PLCB4: variants seen among roughly 807,000 people sequenced by gnomAD.
The protein encoded by PLCB4 is 1-phosphatidylinositol 4,5-bisphosphate phosphodiesterase beta-4.
A neutral mutation model predicts 178.8 loss-of-function variants in PLCB4; 77 were observed. The observed-to-expected ratio is 0.43, with a 90% confidence interval of 0.36 to 0.52. The LOEUF (loss-of-function observed/expected upper bound fraction) is 0.52, where lower values mean the gene tolerates loss of function less well. Among genes scored for constraint, PLCB4 ranks in the 20% least tolerant of loss-of-function variants. PLCB4 has a pLI of 0.00. For missense variants in PLCB4, 1,024 were observed against 1,453.4 expected (o/e 0.70, Z 4.80); for synonymous variants, 496 against 490.8 (o/e 1.01, Z -0.14).
chr20:9,385,459 C>T (rs899616024), intron 14 of PLCB4, among the ~76,000 whole-genome samples: 1 of 150,440 alleles, frequency 6.6e-6, no homozygotes, highest in Non-Finnish European at 1.5e-5. Flanking sequence ...TCCTCACCTC[C>T]CAGATGGGGT....
At chr20:9,321,180 G>A (rs1243504259) in intron 4 of PLCB4, among the ~76,000 whole-genome samples, 1 of 152,174 alleles carries the variant, frequency 6.6e-6, no homozygotes, top group Non-Finnish European at 1.5e-5. Context: ...CCCTCAGGTG[G>A]TGGTGAGGGC....
At position 9,126,234 on chromosome 20, in the gene PLCB4, T is replaced by C. The variant is rs189531022; in HGVS notation, c.-79+29892T>C. ...GTCTAATATTGTAAACATTGTTTAC[T>C]TTTAAAAATTGCTATTTTAAGTATT... is the stretch of plus-strand genomic sequence containing the variant. On this transcript the variant is annotated intron_variant, in intron 2 of 39. Transcript: ENST00000378473. Among the ~76,000 whole-genome samples, 541 of 152,338 alleles carry C rather than the reference T, an allele frequency of 3.6e-3. 7 individuals are homozygous for C. The highest frequency in any genetic ancestry group is 0.012 in the African/African-American group (509 of 41,586).
chr20:9,118,101 AG>A (rs1376057804), intron 2 of PLCB4, among the ~76,000 whole-genome samples: 2 of 152,100 alleles, frequency 1.3e-5, no homozygotes, highest in Admixed American at 6.6e-5. Context: ...TAAAAGAAAA[AG>A]GTTACATGTG....
intron 4 of PLCB4, among the ~76,000 whole-genome samples, chr20:9,331,071 G>A (rs916170881): frequency 6.6e-6 from 1 of 152,154 alleles, no homozygotes; most frequent in African/African-American, 2.4e-5. Context: ...CAGAATAACT[G>A]CAAGATTCTC....
intron 25 of PLCB4, among the ~76,000 whole-genome samples, chr20:9,419,520 T>C (rs536253008): frequency 6.6e-6 from 1 of 152,340 alleles, no homozygotes; most frequent in South Asian, 2.1e-4. Context: ...TGTTATTCTT[T>C]GCATTTTATT....
intron 33 of PLCB4, among the ~76,000 whole-genome samples, chr20:9,456,254 T>A (rs2043050730): frequency 6.6e-6 from 1 of 152,192 alleles, no homozygotes; most frequent in Non-Finnish European, 1.5e-5. Flanking sequence ...GGTTTCCCCT[T>A]ACTCTTACCT....
At chr20:9,071,624 T>A (rs562708689) in intron 1 of PLCB4, among the ~76,000 whole-genome samples, 4 of 152,156 alleles carry the variant, frequency 2.6e-5, no homozygotes, top group East Asian at 1.9e-4. Flanking sequence ...AATGAAAAAA[T>A]TTTGCAGATT....
intron 3 of PLCB4, among the ~76,000 whole-genome samples, chr20:9,229,944 C>CT (rs543860122): frequency 6.6e-6 from 1 of 151,544 alleles, no homozygotes; most frequent in African/African-American, 2.4e-5. Context: ...ATGTATTACA[C>CT]TTTTTTTTTC....
chr20:9,306,362 C>G (rs557211602), intron 3 of PLCB4, among the ~76,000 whole-genome samples: 3 of 151,816 alleles, frequency 2.0e-5, no homozygotes, highest in Non-Finnish European at 2.9e-5. Context: ...CCCCTCCCCC[C>G]ACCCCGGCCT....
intron 1 of PLCB4, among the ~76,000 whole-genome samples, chr20:9,083,820 AAG>A (rs1411438449): frequency 1.3e-5 from 2 of 152,190 alleles, no homozygotes; most frequent in Non-Finnish European, 2.9e-5. Context: ...CGTCAAGCCA[AAG>A]AGAGAGGTCT....
At position 9,468,708 on chromosome 20, in the gene PLCB4, T is replaced by C. The variant is rs781026227; in HGVS notation, c.3350+36T>C. 17 of 1,190,826 alleles carry C rather than the reference T, an allele frequency of 1.4e-5. 1 individual carries two copies. In the South Asian group the frequency reaches 2.1e-4, roughly 15 times the overall value. 73.8% of individuals were successfully genotyped at this position (1,190,826 alleles called of 1,614,324 possible). The stretch of plus-strand genomic sequence containing the variant: ...GAGTGTTCACTGCAGGAATATGGCA[T>C]TGACTTGAGGACACAGTCTCAACTT... On this transcript the variant is annotated intron_variant, in intron 36 of 39. Coordinates refer to ENST00000378473, the MANE Select transcript of PLCB4 (RefSeq NM_001377142.1).
At chr20:9,076,464 C>T (rs1200933261) in intron 1 of PLCB4, among the ~76,000 whole-genome samples, 1 of 152,002 alleles carries the variant, frequency 6.6e-6, no homozygotes. Flanking sequence ...GAGACTCTGT[C>T]TCAAAAAATA....
chr20:9,293,374 G>T (rs376410145), intron 3 of PLCB4, among the ~76,000 whole-genome samples: 16 of 135,718 alleles, frequency 1.2e-4, no homozygotes, highest in African/African-American at 3.9e-4. Context: ...AAGGAAGGAA[G>T]GAAAGGGAAG....
chr20:9,431,031 A>G (rs1419357598), intron 28 of PLCB4, among the ~76,000 whole-genome samples: 1 of 152,208 alleles, frequency 6.6e-6, no homozygotes, highest in African/African-American at 2.4e-5. Flanking sequence ...GAACTACTGT[A>G]ACAAATAACC....
rs527617885 is a variant in PLCB4 at position 9,352,206 on chromosome 20, G to C, written c.370-10690G>C. Among the ~76,000 whole-genome samples, 4 of 152,258 alleles carry C rather than the reference G, an allele frequency of 2.6e-5. No individual in the cohort carries two copies. The South Asian group carries it at 8.3e-4, about 32-fold the overall frequency. On this transcript the variant is annotated intron_variant, in intron 7 of 39. Coordinates refer to ENST00000378473, the MANE Select transcript of PLCB4 (RefSeq NM_001377142.1). ...GATGTAGGAATGTAGTTGGTCTGTG[G>C]ACTTTCAGGCACTAAAGAACATCAT... is the stretch of plus-strand genomic sequence containing the variant.
At chr20:9,407,804 T>G in intron 21 of PLCB4, 113 bp from the exon 22 acceptor site, 2 of 876,062 alleles carry the variant, frequency 2.3e-6, no homozygotes, top group Non-Finnish European at 3.4e-6. Flanking sequence ...AGAAAAAGCC[T>G]TTACCTTTCA....
chr20:9,344,443 T>C (rs1466992503), intron 7 of PLCB4, among the ~76,000 whole-genome samples: 1 of 152,214 alleles, frequency 6.6e-6, no homozygotes, highest in Admixed American at 6.5e-5. Flanking sequence ...CACTGTTCTG[T>C]TCACTGCTGT....
chr20:9,440,455 A>G (rs2042039054), intron 30 of PLCB4, among the ~76,000 whole-genome samples: 1 of 152,208 alleles, frequency 6.6e-6, no homozygotes, highest in Non-Finnish European at 1.5e-5. Flanking sequence ...CAAAATTCAC[A>G]ATTCAACATA....
intron 2 of PLCB4, among the ~76,000 whole-genome samples, chr20:9,119,828 A>G (rs922534609): frequency 6.6e-6 from 1 of 152,204 alleles, no homozygotes; most frequent in Non-Finnish European, 1.5e-5. Flanking sequence ...TTGCCACCTT[A>G]CTAATTTTAA....
Sources: gnomAD v4.1 joint callset for allele counts (sites outside exome capture counted in the v4.1 genomes callset) on GRCh38, gnomAD v4.1.1 for gene constraint, MANE v1.5 for transcripts, NCBI Gene and HGNC (gene_info 2026-07-23, HGNC 2026-07-21) for gene names.